UNC79: variants seen among roughly 807,000 people sequenced by gnomAD.
UNC79 encodes protein unc-79 homolog.
In UNC79, 37 loss-of-function variants were observed where a neutral mutation model predicts 283.1. That is an observed-to-expected ratio of 0.13 (90% CI 0.10 to 0.17). The LOEUF (loss-of-function observed/expected upper bound fraction) is 0.17, where lower values mean the gene tolerates loss of function less well. Ranked by LOEUF, UNC79 falls within the 10% of genes least tolerant of loss-of-function variation. The probability of loss-of-function intolerance (pLI) is 1.00; values close to 1 mark genes in which losing one functional copy is unlikely to be tolerated. For missense variants in UNC79, 2,272 were observed against 3,211.1 expected (o/e 0.71, Z 7.07); for synonymous variants, 1,107 against 1,200.2 (o/e 0.92, Z 1.61).
chr14:93,589,191 TTC>T (rs1707595519), intron 22 of UNC79, among the ~76,000 whole-genome samples: 1 of 152,086 alleles, frequency 6.6e-6, no homozygotes, highest in African/African-American at 2.4e-5. Context: ...GGGTTTGGGT[TTC>T]TTTTTCTCCG....
intron 40 of UNC79, among the ~76,000 whole-genome samples, chr14:93,667,062 C>G (rs1043827413): frequency 2.0e-5 from 3 of 151,556 alleles, no homozygotes; most frequent in Admixed American, 6.6e-5. Flanking sequence ...TATGATTGCA[C>G]CAACTGCACT....
intron 1 of UNC79, among the ~76,000 whole-genome samples, chr14:93,344,064 C>T (rs750634614): frequency 2.3e-4 from 35 of 152,128 alleles, no homozygotes; most frequent in Non-Finnish European, 4.4e-4. Flanking sequence ...TGTGTTGTGG[C>T]TGAATTTGGA....
intron 8 of UNC79, among the ~76,000 whole-genome samples, chr14:93,528,240 G>A (rs761741432): frequency 1.3e-5 from 2 of 152,024 alleles, no homozygotes; most frequent in African/African-American, 2.4e-5. Flanking sequence ...GTAATATATC[G>A]CCAATTTGAG....
At chr14:93,349,548 C>T (rs932749343) in intron 1 of UNC79, among the ~76,000 whole-genome samples, 4 of 152,112 alleles carry the variant, frequency 2.6e-5, no homozygotes, top group Non-Finnish European at 4.4e-5. Context: ...TTTGATTTCC[C>T]AATAACAAAA....
intron 40 of UNC79, among the ~76,000 whole-genome samples, chr14:93,669,527 C>T (rs2140568689): frequency 6.6e-6 from 1 of 152,220 alleles, no homozygotes; most frequent in African/African-American, 2.4e-5. Context: ...TTTGGCTTTA[C>T]ATTTTGGTGT....
rs78615336 is a variant in UNC79 at position 93,678,536 on chromosome 14, A to G, written c.6742-4081A>G. 1.5e-3 allele frequency among the ~76,000 whole-genome samples: 233 copies of G among 152,350 alleles called. 5 individuals are homozygous for G. In the East Asian group the frequency reaches 0.04, roughly 26 times the overall value. ...TGTGTTGCCAAATACTCTGGCAGTAAGAGAGGCCCCTAAAAGAACAAATAG... is the reference window on the plus strand; with the variant it reads ...TGTGTTGCCAAATACTCTGGCAGTAGGAGAGGCCCCTAAAAGAACAAATAG... On this transcript the variant is annotated intron_variant, in intron 41 of 48. Coordinates refer to ENST00000555664, the Ensembl canonical transcript of UNC79.
intron 41 of UNC79, among the ~76,000 whole-genome samples, chr14:93,676,048 T>G (rs537513285): frequency 1.3e-5 from 2 of 152,266 alleles, no homozygotes; most frequent in Non-Finnish European, 2.9e-5. Context: ...ACAGACTTTT[T>G]TACTTATTTA....
intron 35 of UNC79, among the ~76,000 whole-genome samples, chr14:93,651,325 T>C (rs546313589): frequency 2.0e-5 from 3 of 152,328 alleles, no homozygotes; most frequent in South Asian, 2.1e-4. Flanking sequence ...ATCAAAAAAG[T>C]CTGCTGGGCT....
chr14:93,697,142 A>AT (rs893846844), intron 47 of UNC79, among the ~76,000 whole-genome samples: 9 of 151,298 alleles, frequency 5.9e-5, no homozygotes, highest in African/African-American at 1.5e-4. Context: ...TTTTATTTTT[A>AT]TTTTTTTTCC....
At chr14:93,463,018 G>A (rs2057016717) in intron 1 of UNC79, among the ~76,000 whole-genome samples, 1 of 152,134 alleles carries the variant, frequency 6.6e-6, no homozygotes, top group East Asian at 1.9e-4. Flanking sequence ...CCTATGGGGA[G>A]AATATTGAGA....
intron 25 of UNC79, 37 bp from the exon 26 acceptor site, chr14:93,603,202 A>G (rs753127602): frequency 1.2e-6 from 2 of 1,607,930 alleles, no homozygotes; most frequent in Non-Finnish European, 1.7e-6. Flanking sequence ...GCCCTGTGTA[A>G]AGGAGAGTGA....
chr14:93,498,221 T>C (rs1011018614), intron 7 of UNC79, among the ~76,000 whole-genome samples: 5 of 151,172 alleles, frequency 3.3e-5, no homozygotes, highest in Admixed American at 2.0e-4. Flanking sequence ...GAGCCAAGAT[T>C]GTGCCACTGC....
chr14:93,557,150 C>A lies in UNC79; in HGVS notation c.1755+14454C>A, dbSNP rs1595859729. On this transcript the variant is annotated intron_variant, in intron 14 of 48. Transcript: ENST00000555664. ...TAAGCCATGTCTATGTAAGTGTGAG[C>A]AGAGAGTGTGACAAAATTTATATTC... Among the ~76,000 whole-genome samples the A allele has an allele frequency of 2.6e-5, 4 of 152,278 alleles. No homozygotes were observed. The Middle Eastern group carries it at 0.01, about 388-fold the overall frequency.
At chr14:93,539,308 G>T (rs2061257050) in intron 12 of UNC79, among the ~76,000 whole-genome samples, 1 of 149,618 alleles carries the variant, frequency 6.7e-6, no homozygotes, top group Admixed American at 6.6e-5. Context: ...GGATCACGGG[G>T]TCAGGATTTC....
At chr14:93,618,905 G>A (rs2066924842) in intron 29 of UNC79, among the ~76,000 whole-genome samples, 1 of 152,216 alleles carries the variant, frequency 6.6e-6, no homozygotes. Flanking sequence ...AAAAGGGGCA[G>A]TAGAATGCAA....
Position 93,613,039 on chromosome 14 carries a change from C to T in UNC79, c.3997C>T (p.Arg1333Cys). 6.2e-7 allele frequency: 1 copy of T among 1,614,162 alleles called. No individual in the cohort carries two copies. Among genetic ancestry groups the T allele is most frequent in the Non-Finnish European group, 8.5e-7 (1 of 1,180,022 alleles). ...CTTCATGATTGCACCTCAAAAAATG[C>T]GCCTGTCAACTTGCTTTAATGCATT... Residue 1333 changes from arginine (R) to cysteine (C), a missense_variant, in exon 27 of 49, where the codon CGC (arginine) becomes TGC (cysteine). Coordinates refer to ENST00000555664, the Ensembl canonical transcript of UNC79.
intron 19 of UNC79, among the ~76,000 whole-genome samples, chr14:93,581,484 CTTTTTTTTTT>C (rs569060513): frequency 6.0e-5 from 6 of 100,648 alleles, no homozygotes; most frequent in Admixed American, 1.1e-4. Flanking sequence ...GTATTTGCAT[CTTTTTTTTTT>C]TTTTTTTTTT....
chr14:93,467,599 G>C (rs1222573525), intron 1 of UNC79, 72 bp from the exon 2 acceptor site: 32 of 1,147,610 alleles, frequency 2.8e-5, no homozygotes, highest in Non-Finnish European at 3.3e-5. Flanking sequence ...CATATTACAA[G>C]ATGATTCTTC....
exon 33 of UNC79, chr14:93,641,216 A>G (rs2069001157): frequency 6.2e-7 from 1 of 1,613,392 alleles, no homozygotes; most frequent in Admixed American, 1.7e-5. Flanking sequence ...TGAAGAGTTC[A>G]CTGACGAGCA....
Sources: gnomAD v4.1 joint callset for allele counts (sites outside exome capture counted in the v4.1 genomes callset) on GRCh38, gnomAD v4.1.1 for gene constraint, MANE v1.5 for transcripts, NCBI Gene and HGNC (gene_info 2026-07-23, HGNC 2026-07-21) for gene names.